Variants in RNF145 observed in about 807,000 individuals in gnomAD.
The protein encoded by RNF145 is ring finger protein 145.
In RNF145, 12 loss-of-function variants were observed where a neutral mutation model predicts 57.3. That is an observed-to-expected ratio of 0.21 (90% confidence interval 0.13 to 0.34). The LOEUF (loss-of-function observed/expected upper bound fraction) is 0.34. Ranked by LOEUF, RNF145 falls within the 10% of genes least tolerant of loss-of-function variation. The pLI, the probability that RNF145 is intolerant of heterozygous loss-of-function variation, is 1.00. For missense variants in RNF145, 429 were observed against 799.0 expected (o/e 0.54, Z 5.58); for synonymous variants, 262 against 288.3 (o/e 0.91, Z 0.92).
At chr5:159,209,857 A>G (rs543474146), upstream of RNF145, 6 of 1,535,882 alleles carry the variant, frequency 3.9e-6, no homozygotes, top group African/African-American at 1.4e-5. Context: ...ACTCACCTGC[A>G]GGGACCACGT....
chr5:159,173,901 T>C, intron 6 of RNF145, 82 bp downstream of exon 6: 2 of 960,212 alleles, frequency 2.1e-6, no homozygotes, highest in Non-Finnish European at 3.0e-6. Flanking sequence ...ACGATAAAAG[T>C]AATCTGCAAA....
intron 8 of RNF145, among the ~76,000 whole-genome samples, chr5:159,164,107 C>A (rs990402242): frequency 1.3e-5 from 2 of 152,130 alleles, no homozygotes; most frequent in African/African-American, 4.8e-5. Flanking sequence ...AGTTACCACA[C>A]ACAAGGTCAA....
At chr5:159,209,706 G>C (rs570714395), upstream of RNF145, 6 of 1,068,080 alleles carry the variant, frequency 5.6e-6, no homozygotes, top group Non-Finnish European at 6.7e-6. Flanking sequence ...CATAAGCCTA[G>C]CCAAGCCCAT....
At chr5:159,175,480 A>G (rs1051976788) in intron 5 of RNF145, among the ~76,000 whole-genome samples, 9 of 152,066 alleles carry the variant, frequency 5.9e-5, no homozygotes, top group African/African-American at 2.2e-4. Flanking sequence ...ATATTCAATA[A>G]GTATTTACTG....
intron 6 of RNF145, among the ~76,000 whole-genome samples, chr5:159,170,042 T>C (rs1784497044): frequency 6.6e-6 from 1 of 152,220 alleles, no homozygotes. Flanking sequence ...ATGCAGTACA[T>C]AGCACCAGAT....
chr5:159,196,229 GTTTTTT>G (rs11360125), intron 2 of RNF145, among the ~76,000 whole-genome samples: 1 of 129,092 alleles, frequency 7.7e-6, no homozygotes, highest in Non-Finnish European at 1.7e-5. Context: ...AATATTATGA[GTTTTTT>G]TTTTTTTTTT....
intron 4 of RNF145, among the ~76,000 whole-genome samples, chr5:159,177,206 C>T (rs1784746449): frequency 6.6e-6 from 1 of 152,064 alleles, no homozygotes; most frequent in African/African-American, 2.4e-5. Context: ...TTATACATAA[C>T]TTCTTTTCCA....
Position 159,180,401 on chromosome 5 carries a change from AG to A in RNF145, c.385+1558del, listed in dbSNP as rs1784852056. Among the ~76,000 whole-genome samples, 2 of 152,042 alleles carry A rather than the reference AG, an allele frequency of 1.3e-5. 1 individual carries two copies. The highest frequency in any genetic ancestry group is 1.3e-4 in the Admixed American group (2 of 15,244). On this transcript the variant is annotated intron_variant, in intron 4 of 10. Coordinates refer to ENST00000424310, the MANE Select transcript of RNF145 (RefSeq NM_001199383.2). ...ATCCATCTAAAAGGCCTTCTTGAAC[AG>A]GACCCAAGAAAATCCTACACAGACT...
intron 5 of RNF145, among the ~76,000 whole-genome samples, chr5:159,175,575 T>G (rs1283173173): frequency 3.3e-5 from 5 of 152,198 alleles, no homozygotes; most frequent in Admixed American, 3.3e-4. Flanking sequence ...TTGTCATTAT[T>G]ACCCTGAATA....
At chr5:159,168,405 C>T (rs1784451326) in intron 8 of RNF145, among the ~76,000 whole-genome samples, 1 of 152,096 alleles carries the variant, frequency 6.6e-6, no homozygotes, top group Non-Finnish European at 1.5e-5. Context: ...GGCTGTTTTT[C>T]CATAAATGTC....
chr5:159,202,935 T>A (rs945466583), intron 2 of RNF145, among the ~76,000 whole-genome samples: 10 of 151,144 alleles, frequency 6.6e-5, no homozygotes, highest in South Asian at 4.2e-4. Context: ...AAAAAAAAAA[T>A]TATAGTTCCA....
rs150290293 is a variant in RNF145 at position 159,187,098 on chromosome 5, T to G, written c.294-5047A>C. ...GAGTTCAAGAACAGCCTGGCCAACA[T>G]GGTGAAAGCCTGTCTATACTAAAAA... On this transcript the variant is annotated intron_variant, in intron 3 of 10. Transcript: ENST00000424310. Among the ~76,000 whole-genome samples, 679 of 151,520 alleles carry G rather than the reference T, an allele frequency of 4.5e-3. 6 individuals carry two copies. Among genetic ancestry groups the G allele is most frequent in the African/African-American group, 0.016 (646 of 41,312 alleles).
intron 3 of RNF145, among the ~76,000 whole-genome samples, chr5:159,192,653 G>A (rs765367126): frequency 4.7e-4 from 72 of 152,150 alleles, no homozygotes; most frequent in Non-Finnish European, 8.7e-4. Flanking sequence ...AGAAACTGTG[G>A]TAAGAGCTTT....
At chr5:159,161,744 G>A (rs1021482112) in intron 9 of RNF145, 122 bp from the exon 10 acceptor site, 15 of 600,062 alleles carry the variant, frequency 2.5e-5, no homozygotes, top group Non-Finnish European at 3.5e-5. Context: ...ATATACAGAA[G>A]AGTATCCAGG....
intron 1 of RNF145, among the ~76,000 whole-genome samples, chr5:159,205,902 C>A (rs947476516): frequency 1.3e-5 from 2 of 152,016 alleles, no homozygotes; most frequent in Non-Finnish European, 2.9e-5. Flanking sequence ...GGCTCCTAAA[C>A]GGGTAAAGAA....
intron 1 of RNF145, among the ~76,000 whole-genome samples, chr5:159,205,823 G>C (rs763788443): frequency 7.9e-5 from 12 of 152,094 alleles, no homozygotes; most frequent in Non-Finnish European, 1.6e-4. Flanking sequence ...TATTTCATTT[G>C]ATTTGGAACC....
chr5:159,205,539 G>A (rs1381486610), intron 1 of RNF145, among the ~76,000 whole-genome samples: 2 of 152,092 alleles, frequency 1.3e-5, no homozygotes, highest in African/African-American at 4.8e-5. Context: ...GAATTACAGT[G>A]GAAAGACTTA....
chr5:159,174,883 G>T (rs1784667205), intron 5 of RNF145, among the ~76,000 whole-genome samples: 2 of 152,038 alleles, frequency 1.3e-5, no homozygotes, highest in African/African-American at 4.8e-5. Flanking sequence ...ATCAATCACA[G>T]AATCTGATTC....
chr5:159,193,585 T>C (rs1458477762), intron 3 of RNF145, among the ~76,000 whole-genome samples: 1 of 152,182 alleles, frequency 6.6e-6, no homozygotes, highest in African/African-American at 2.4e-5. Flanking sequence ...TTTTAAAAAC[T>C]GAAATAAAGT....
Sources: allele counts gnomAD v4.1 joint callset (sites outside exome capture counted in the v4.1 genomes callset), GRCh38; gene constraint gnomAD v4.1.1; transcripts MANE v1.5; gene names NCBI Gene and HGNC (gene_info 2026-07-23, HGNC 2026-07-21).